The following SFMBT1 variants were observed in gnomAD, a reference collection of about 807,000 sequenced individuals.
The protein encoded by SFMBT1 is Scm like with four mbt domains 1.
A neutral mutation model predicts 108.7 loss-of-function variants in SFMBT1; 32 were observed. The ratio of observed to expected loss-of-function variants is 0.29; its 90% CI spans 0.22 to 0.40. SFMBT1 has a LOEUF of 0.40. Among genes scored for constraint, SFMBT1 ranks in the 10% least tolerant of loss-of-function variants. The pLI, the probability that SFMBT1 is intolerant of heterozygous loss-of-function variation, is 1.00. For missense variants in SFMBT1, 816 were observed against 1,059.6 expected, an observed-to-expected ratio of 0.77 and a Z score of 3.19; for synonymous variants, 348 against 369.5, an observed-to-expected ratio of 0.94 and a Z score of 0.67.
chr3:52,942,423 C>A (rs1350586712), intron 4 of SFMBT1, among the ~76,000 whole-genome samples: 2 of 152,204 alleles, frequency 1.3e-5, no homozygotes, highest in African/African-American at 2.4e-5. Context: ...GGCAAAAAGT[C>A]TCCAATAATT....
chr3:52,969,059 T>C lies in SFMBT1; in HGVS notation c.28+42A>G, dbSNP rs377018146. On this transcript the variant is annotated intron_variant, in intron 2 of 20. Transcript: ENST00000394752. ...AATATAACACAGGCAAGTAATATAA[T>C]TGTGCATCCTAGAGAATAAATTCTG... 13 of 1,607,226 alleles carry C rather than the reference T, an allele frequency of 8.1e-6. No homozygotes were observed. In the South Asian group the frequency reaches 9.9e-5, roughly 12 times the overall value.
chr3:52,948,181 G>T (rs1180646468), intron 3 of SFMBT1, among the ~76,000 whole-genome samples: 1 of 151,946 alleles, frequency 6.6e-6, no homozygotes, highest in Non-Finnish European at 1.5e-5. Flanking sequence ...TATGGGTAAG[G>T]GTTTATTTGT....
At chr3:52,921,947 A>C in intron 10 of SFMBT1, 116 bp from the exon 11 acceptor site, 1 of 1,061,844 alleles carries the variant, frequency 9.4e-7, no homozygotes, top group Non-Finnish European at 1.4e-6. Context: ...GATAACATTT[A>C]TTTTGCATTG....
intron 1 of SFMBT1, among the ~76,000 whole-genome samples, chr3:53,035,755 C>A (rs949030825): frequency 6.6e-6 from 1 of 152,178 alleles, no homozygotes; most frequent in Admixed American, 6.5e-5. Context: ...TGTCACCACG[C>A]CCAGCTAATT....
intron 2 of SFMBT1, among the ~76,000 whole-genome samples, chr3:52,960,357 T>C (rs1174118957): frequency 1.3e-5 from 2 of 152,176 alleles, no homozygotes; most frequent in Non-Finnish European, 2.9e-5. Flanking sequence ...TGTATTATGT[T>C]TCACTTCTTT....
chr3:53,013,920 C>T (rs971026809), intron 1 of SFMBT1, among the ~76,000 whole-genome samples: 15 of 152,092 alleles, frequency 9.9e-5, no homozygotes, highest in Non-Finnish European at 2.1e-4. Flanking sequence ...TGAGCCACTG[C>T]TCCCGGCCAA....
chr3:52,929,531 A>G (rs2710340), intron 8 of SFMBT1, among the ~76,000 whole-genome samples: 148,725 of 152,320 alleles, frequency 0.98, 72,713 homozygotes, highest in Middle Eastern at 1. Context: ...GAGCCACCAC[A>G]CCCGGCCAAA....
At chr3:53,025,676 C>A (rs1326340064) in intron 1 of SFMBT1, among the ~76,000 whole-genome samples, 3 of 152,068 alleles carry the variant, frequency 2.0e-5, no homozygotes, top group African/African-American at 7.2e-5. Flanking sequence ...TATATTTTTA[C>A]TTCCCTATCT....
intron 16 of SFMBT1, 105 bp downstream of exon 16, chr3:52,912,433 C>T (rs1050573370): frequency 3.4e-6 from 3 of 886,112 alleles, no homozygotes; most frequent in African/African-American, 3.4e-5. Flanking sequence ...CCGCCTCGGC[C>T]TCCCAAAGTG....
chr3:52,991,738 A>T (rs1264427999), intron 1 of SFMBT1, among the ~76,000 whole-genome samples: 5 of 151,754 alleles, frequency 3.3e-5, no homozygotes, highest in African/African-American at 1.2e-4. Context: ...AGCTTCTGAG[A>T]GCTGCCTGCC....
chr3:53,026,168 C>T (rs1699483495), intron 1 of SFMBT1, among the ~76,000 whole-genome samples: 1 of 152,116 alleles, frequency 6.6e-6, no homozygotes, highest in Admixed American at 6.5e-5. Context: ...CAAACTGCCA[C>T]AGTAATGCTT....
chr3:53,013,615 CTTTTTTTTTTTTTTTTTTT>C (rs397989629), intron 1 of SFMBT1, among the ~76,000 whole-genome samples: 5 of 58,098 alleles, frequency 8.6e-5, no homozygotes, highest in Non-Finnish European at 1.1e-4. Flanking sequence ...TATAAAGAAT[CTTTTTTTTTTTTTTTTTTT>C]TTTTTTTTTT....
At chr3:52,972,453 G>A (rs1473211654) in intron 1 of SFMBT1, among the ~76,000 whole-genome samples, 1 of 152,104 alleles carries the variant, frequency 6.6e-6, no homozygotes, top group Non-Finnish European at 1.5e-5. Context: ...TTTTCATGCA[G>A]TAAAGAAAAA....
chr3:53,045,451 C>T (rs1008557869), intron 1 of SFMBT1, among the ~76,000 whole-genome samples: 9 of 144,266 alleles, frequency 6.2e-5, no homozygotes, highest in Non-Finnish European at 1.2e-4. Flanking sequence ...CGCCCGGCCA[C>T]TTTCCTTTCA....
intron 1 of SFMBT1, among the ~76,000 whole-genome samples, chr3:52,985,950 C>G (rs772674513): frequency 3.0e-4 from 45 of 152,214 alleles, no homozygotes; most frequent in Non-Finnish European, 6.2e-4. Context: ...TGAGACCAGC[C>G]TGGCCAACAT....
chr3:52,907,500 T>C, intron 18 of SFMBT1, 55 bp downstream of exon 18: 1 of 1,575,580 alleles, frequency 6.3e-7, no homozygotes, highest in Non-Finnish European at 8.6e-7. Context: ...GTCCATACTA[T>C]AAAGCAGTGG....
intron 1 of SFMBT1, among the ~76,000 whole-genome samples, chr3:53,013,295 T>C (rs937333345): frequency 6.6e-6 from 1 of 151,686 alleles, no homozygotes; most frequent in African/African-American, 2.4e-5. Flanking sequence ...TTCTTCAATC[T>C]TTCACCTAAA....
intron 3 of SFMBT1, among the ~76,000 whole-genome samples, chr3:52,944,024 A>G (rs1249840767): frequency 1.3e-5 from 2 of 152,228 alleles, no homozygotes; most frequent in East Asian, 1.9e-4. Context: ...ACAGGGAGCC[A>G]TATTTCCCAG....
intron 1 of SFMBT1, among the ~76,000 whole-genome samples, chr3:53,004,232 TCCTCCTTC>T: frequency 4.4e-5 from 5 of 112,948 alleles, no homozygotes; most frequent in African/African-American, 1.6e-4. Flanking sequence ...CTCCCTCCCT[TCCTCCTTC>T]CCTTCTTTCT....
Sources: allele counts gnomAD v4.1 joint callset (sites outside exome capture counted in the v4.1 genomes callset), GRCh38; gene constraint gnomAD v4.1.1; transcripts MANE v1.5; gene names NCBI Gene and HGNC (gene_info 2026-07-23, HGNC 2026-07-21).